Variants in UNC5B observed in about 807,000 individuals in gnomAD.
UNC5B encodes unc-5 netrin receptor B, also known as netrin receptor UNC5B.
In UNC5B, 56 loss-of-function variants were observed where a neutral mutation model predicts 103.7. That is an observed-to-expected ratio of 0.54 (90% CI 0.44 to 0.67). The LOEUF (loss-of-function observed/expected upper bound fraction) is 0.67. Among genes scored for constraint, UNC5B ranks in the 30% least tolerant of loss-of-function variants. UNC5B has a pLI of 0.00. For missense variants in UNC5B, 1,194 were observed against 1,284.5 expected, an observed-to-expected ratio of 0.93 and a Z score of 1.08; for synonymous variants, 577 against 542.0, an observed-to-expected ratio of 1.06 and a Z score of -0.90.
At chr10:71,296,033 C>A in intron 14 of UNC5B, 73 bp downstream of exon 14, 1 of 1,598,914 alleles carries the variant, frequency 6.3e-7, no homozygotes, top group Non-Finnish European at 8.5e-7. Context: ...CCCTCCCGGG[C>A]CCTGCCTCCT....
chr10:71,224,203 C>T (rs1449867497), intron 1 of UNC5B, among the ~76,000 whole-genome samples: 2 of 151,878 alleles, frequency 1.3e-5, no homozygotes, highest in Non-Finnish European at 2.9e-5. Context: ...CATTTTCCTC[C>T]TGGTCCATCC....
At chr10:71,273,468 CA>C (rs1844693557) in intron 1 of UNC5B, among the ~76,000 whole-genome samples, 1 of 152,232 alleles carries the variant, frequency 6.6e-6, no homozygotes, top group Non-Finnish European at 1.5e-5. Context: ...ATCTCCCTCT[CA>C]GGAATGTTGG....
chr10:71,277,789 G>A (rs1392909365), intron 1 of UNC5B, among the ~76,000 whole-genome samples: 1 of 152,350 alleles, frequency 6.6e-6, no homozygotes, highest in African/African-American at 2.4e-5. Context: ...CACTCACCGG[G>A]TGGCCTCGGG....
intron 1 of UNC5B, among the ~76,000 whole-genome samples, chr10:71,249,848 C>T (rs1016399263): frequency 6.6e-6 from 1 of 152,192 alleles, no homozygotes; most frequent in Non-Finnish European, 1.5e-5. Flanking sequence ...GGGCACTGGC[C>T]ACGTATCCCA....
rs752123103 is a variant in UNC5B at position 71,290,967 on chromosome 10, C to G, written c.1152C>G (p.Ile384Met). 15 of 1,613,962 alleles carry G rather than the reference C, an allele frequency of 9.3e-6. No homozygotes were observed. Among genetic ancestry groups the G allele is most frequent in the Admixed American group, 8.3e-5 (5 of 60,010 alleles). The change falls in exon 9 of 17, where the codon ATC becomes ATG. Residue 384 changes from isoleucine (I) to methionine (M), a missense_variant. Coordinates refer to ENST00000335350, the MANE Select transcript of UNC5B (RefSeq NM_170744.5). The part of the protein sequence containing the change: ...AALYAGLVVA[I>M]FVVVAILMAV... ...TGTATGCGGGGCTCGTGGTGGCCATCTTCGTGGTCGTGGCAATCCTCATGG... is the reference window on the plus strand; with the variant it reads ...TGTATGCGGGGCTCGTGGTGGCCATGTTCGTGGTCGTGGCAATCCTCATGG...
chr10:71,279,303 CGCAGCCCTGGCTCCTGTCCCGCTTG>C (rs1456933322), intron 1 of UNC5B, among the ~76,000 whole-genome samples: 2 of 152,192 alleles, frequency 1.3e-5, no homozygotes, highest in African/African-American at 4.8e-5. Flanking sequence ...ACCCCTGCCC[CGCAGCCCTGGCTCCTGTCCCGCTTG>C]CCAGCCTGGC....
At position 71,293,527 on chromosome 10, in the gene UNC5B, A is replaced by C; in HGVS notation, c.1895A>C (p.Asp632Ala). 1.9e-6 allele frequency: 3 copies of C among 1,613,968 alleles called. No homozygotes were observed. Among genetic ancestry groups the C allele is most frequent in the Non-Finnish European group, 2.5e-6 (3 of 1,180,024 alleles). The change falls in exon 12 of 17, where the codon GAC becomes GCC. Residue 632 changes from aspartate to alanine, a missense_variant. Physicochemically the swap from Asp to Ala is moderately radical, Grantham distance 126. Transcript: ENST00000335350. Reference protein sequence around the residue: ...MPHCAEVSARDWIFQLKTQAH... With the variant: ...MPHCAEVSARAWIFQLKTQAH... ...CACTGTGCCGAAGTCAGTGCCCGTG[A>C]CTGGATCTTTCAGCTCAAGACCCAG...
At chr10:71,245,935 A>G (rs960277651) in intron 1 of UNC5B, among the ~76,000 whole-genome samples, 4 of 152,198 alleles carry the variant, frequency 2.6e-5, no homozygotes, top group Non-Finnish European at 5.9e-5. Flanking sequence ...CTGGTGATAC[A>G]CCGCCAGCAC....
intron 1 of UNC5B, among the ~76,000 whole-genome samples, chr10:71,264,422 A>T (rs1000157602): frequency 1.3e-5 from 2 of 152,356 alleles, no homozygotes; most frequent in Admixed American, 1.3e-4. Context: ...ATGGAGGCCC[A>T]GAGAGGCGAA....
intron 1 of UNC5B, among the ~76,000 whole-genome samples, chr10:71,240,736 G>A (rs939436551): frequency 6.6e-6 from 1 of 152,260 alleles, no homozygotes; most frequent in Non-Finnish European, 1.5e-5. Context: ...ATGGGGGCAG[G>A]AACAGCAGAG....
In UNC5B at chr10:71,291,671, C is replaced by T. The variant is rs1845264131; in HGVS notation, c.1534C>T (p.Pro512Ser). The part of the protein sequence containing the change: ...LLGVLPPGTY[P>S]SDFARDTHFL... ...GGGGGTCTTGCCGCCTGGCACATAC[C>T]CTAGCGATTTCGCCCGGGACACCCA... The change falls in exon 10 of 17, where the codon CCT becomes TCT. Residue 512 changes from proline (P) to serine (S), a missense_variant. By Grantham distance (74) the Pro-to-Ser change is moderately conservative. Coordinates refer to ENST00000335350, the MANE Select transcript of UNC5B (RefSeq NM_170744.5). 6.2e-7 allele frequency: 1 copy of T among 1,613,772 alleles called. No homozygotes were observed. The highest frequency in any genetic ancestry group is 1.3e-5 in the African/African-American group (1 of 75,066).
intron 1 of UNC5B, among the ~76,000 whole-genome samples, chr10:71,278,681 G>A (rs960956720): frequency 5.9e-5 from 9 of 152,206 alleles, no homozygotes; most frequent in African/African-American, 2.2e-4. Flanking sequence ...ACAAGTGCAC[G>A]ATCCCAGTGG....
intron 1 of UNC5B, among the ~76,000 whole-genome samples, chr10:71,221,892 A>G (rs559925658): frequency 6.6e-6 from 1 of 152,300 alleles, no homozygotes; most frequent in South Asian, 2.1e-4. Flanking sequence ...GTAAAATGGG[A>G]GTAGTAACAG....
At position 71,284,814 on chromosome 10, in the gene UNC5B, G is replaced by T; in HGVS notation, c.399G>T (p.Trp133Cys). 1 of 1,613,666 alleles carries T rather than the reference G, an allele frequency of 6.2e-7. No homozygotes were observed. Among genetic ancestry groups the T allele is most frequent in the Non-Finnish European group, 8.5e-7 (1 of 1,179,910 alleles). ...ATTACTGGTGCCAGTGCGTGGCCTGGAGCTCCGCGGGCACCACCAAGAGTC... is the reference window on the plus strand; with the variant it reads ...ATTACTGGTGCCAGTGCGTGGCCTGTAGCTCCGCGGGCACCACCAAGAGTC... Reference protein sequence around the residue: ...LEDYWCQCVAWSSAGTTKSRR... With the variant: ...LEDYWCQCVACSSAGTTKSRR... Residue 133 changes from tryptophan to cysteine, a missense_variant, in exon 3 of 17, where the codon TGG (tryptophan) becomes TGT (cysteine). Transcript: ENST00000335350.
chr10:71,295,527 C>T, intron 13 of UNC5B, among the ~76,000 whole-genome samples: 1 of 152,200 alleles, frequency 6.6e-6, no homozygotes, highest in Non-Finnish European at 1.5e-5. Context: ...ATTCATCTGT[C>T]TGTCTTTCTA....
chr10:71,255,950 C>G (rs539856473), intron 1 of UNC5B, among the ~76,000 whole-genome samples: 2 of 152,360 alleles, frequency 1.3e-5, no homozygotes, highest in African/African-American at 4.8e-5. Context: ...GGGAGGAAAT[C>G]GACTATGTAT....
At chr10:71,221,302 A>T (rs568412037) in intron 1 of UNC5B, among the ~76,000 whole-genome samples, 2 of 152,120 alleles carry the variant, frequency 1.3e-5, no homozygotes, top group Non-Finnish European at 2.9e-5. Context: ...CAGCCTGGGC[A>T]TGTGCGAGAA....
intron 1 of UNC5B, among the ~76,000 whole-genome samples, chr10:71,256,067 A>C (rs972093073): frequency 6.6e-6 from 1 of 152,122 alleles, no homozygotes; most frequent in African/African-American, 2.4e-5. Context: ...ATGAGCACCC[A>C]TTTTACAGAT....
At position 71,212,948 on chromosome 10, in the gene UNC5B, GC is replaced by G. The variant is rs1843256849; in HGVS notation, c.-35del. The G allele has an allele frequency of 3.1e-6, 4 of 1,296,950 alleles. No individual in the cohort carries two copies. Among genetic ancestry groups the G allele is most frequent in the Middle Eastern group, 2.8e-4 (1 of 3,576 alleles). 80.3% of individuals were successfully genotyped at this position (1,296,950 alleles called of 1,614,324 possible). A position where few individuals can be genotyped will look rare whatever the true frequency, so the allele number is the denominator to read the frequency against. ...CGGCGAGACTGGGGCCAGGGAGACA[GC>G]CCTGGGGGAGAGGCGCCCGAACCAG... On this transcript the variant is annotated 5_prime_UTR_variant, in exon 1 of 17. Coordinates refer to ENST00000335350, the MANE Select transcript of UNC5B (RefSeq NM_170744.5).
Sources: allele counts gnomAD v4.1 joint callset (sites outside exome capture counted in the v4.1 genomes callset), GRCh38; gene constraint gnomAD v4.1.1; transcripts MANE v1.5; gene names NCBI Gene and HGNC (gene_info 2026-07-23, HGNC 2026-07-21).